Variants in BTBD8 observed in about 807,000 individuals in gnomAD.
BTBD8 encodes the protein BTB/POZ domain-containing protein 8.
A neutral mutation model predicts 162.9 loss-of-function variants in BTBD8; 110 were observed. The observed-to-expected ratio is 0.68, with a 90% confidence interval of 0.58 to 0.79. BTBD8 has a LOEUF of 0.79. Ranked by LOEUF, BTBD8 falls within the 30% of genes least tolerant of loss-of-function variation. BTBD8 has a pLI of 0.00. For missense variants in BTBD8, 1,905 were observed against 2,085.4 expected, an observed-to-expected ratio of 0.91 and a Z score of 1.68; for synonymous variants, 667 against 716.1, an observed-to-expected ratio of 0.93 and a Z score of 1.10.
Position 92,080,660 on chromosome 1 carries a change from C to T in BTBD8, c.89C>T (p.Pro30Leu). Residue 30 changes from proline (P) to leucine (L), a missense_variant, in exon 1 of 18, where the codon CCG (proline) becomes CTG (leucine). By Grantham distance (98) the Pro-to-Leu change is moderately conservative. This residue lies in a region of BTBD8 where 1,374 missense variants were observed against 1,442.7 expected (regional missense o/e 0.95). Coordinates refer to ENST00000636805, the MANE Select transcript of BTBD8 (RefSeq NM_001376131.1). ...VCSKGLQRKGPCERRRLKATV... is the reference protein window; with the variant it reads ...VCSKGLQRKGLCERRRLKATV... ...AGTAAGGGGTTGCAAAGGAAGGGGCCGTGTGAGCGGCGCCGGCTGAAGGCG... is the reference window on the plus strand; with the variant it reads ...AGTAAGGGGTTGCAAAGGAAGGGGCTGTGTGAGCGGCGCCGGCTGAAGGCG... 1 of 1,613,438 alleles carries T rather than the reference C, an allele frequency of 6.2e-7. No homozygotes were observed. Among genetic ancestry groups the T allele is most frequent in the Non-Finnish European group, 8.5e-7 (1 of 1,179,754 alleles).
chr1:92,126,554 T>C (rs1649365997), intron 4 of BTBD8: 1 of 474,782 alleles, frequency 2.1e-6, no homozygotes, highest in Admixed American at 2.4e-5. Flanking sequence ...CAGTGCCAAA[T>C]GGACACTGGC....
Position 92,177,198 on chromosome 1 carries a change from G to A in BTBD8, c.2005G>A (p.Ala669Thr). 6.4e-7 allele frequency: 1 copy of A among 1,551,900 alleles called. No individual in the cohort carries two copies. Among genetic ancestry groups the A allele is most frequent in the Non-Finnish European group, 8.7e-7 (1 of 1,147,028 alleles). Residue 669 changes from alanine to threonine, a missense_variant, in exon 14 of 18, where the codon GCA (alanine) becomes ACA (threonine). By Grantham distance (58) the Ala-to-Thr change is moderately conservative (BLOSUM62 0). Coordinates refer to ENST00000636805, the MANE Select transcript of BTBD8 (RefSeq NM_001376131.1). Reference sequence around the variant, plus strand: ...AAGATCAGCAACAGCAGCAGCAGCAGCAACTGGACAGAAGAATTTACTAAA... The same window carrying A: ...AAGATCAGCAACAGCAGCAGCAGCAACAACTGGACAGAAGAATTTACTAAA... ...VERSATAAAA[A>T]TGQKNLLNGK... is the part of the protein sequence containing the mutation.
chr1:92,123,458 C>T (rs1649269232), intron 4 of BTBD8, among the ~76,000 whole-genome samples: 1 of 152,138 alleles, frequency 6.6e-6, no homozygotes, highest in African/African-American at 2.4e-5. Context: ...TTTCAAGTTT[C>T]AGATCCATGA....
chr1:92,119,696 G>A (rs1049094399), intron 4 of BTBD8, among the ~76,000 whole-genome samples: 3 of 149,162 alleles, frequency 2.0e-5, no homozygotes, highest in Non-Finnish European at 3.0e-5. Context: ...GCGCGATCTC[G>A]GCTCACTGCA....
In BTBD8 at chr1:92,182,578, A is replaced by G. The variant is rs917964822; in HGVS notation, c.4895A>G (p.Asn1632Ser). Residue 1632 changes from asparagine to serine, a missense_variant, in exon 17 of 18, where the codon AAT becomes AGT. Coordinates refer to ENST00000636805, the MANE Select transcript of BTBD8 (RefSeq NM_001376131.1). Reference sequence around the variant, plus strand: ...CATTCTACAACTACTGAAAAAGCTAATATTGCTTTATCTGCAGGTAATGTA... The same window carrying G: ...CATTCTACAACTACTGAAAAAGCTAGTATTGCTTTATCTGCAGGTAATGTA... ...ESHSTTTEKA[N>S]IALSAGDIDD... is the part of the protein sequence containing the mutation. 2 of 1,493,750 alleles carry G rather than the reference A, an allele frequency of 1.3e-6. No homozygotes were observed. 92.5% of individuals were successfully genotyped at this position (1,493,750 alleles called of 1,614,324 possible).
At chr1:92,129,382 G>A (rs1246705069) in intron 4 of BTBD8, among the ~76,000 whole-genome samples, 1 of 151,990 alleles carries the variant, frequency 6.6e-6, no homozygotes, top group Non-Finnish European at 1.5e-5. Flanking sequence ...TTCTTGGGAG[G>A]CTGAGGTGGG....
chr1:92,152,039 A>C (rs1226896499), intron 9 of BTBD8, among the ~76,000 whole-genome samples: 2 of 152,168 alleles, frequency 1.3e-5, no homozygotes, highest in Non-Finnish European at 2.9e-5. Context: ...TCTCTACTTC[A>C]CATATGAGAA....
chr1:92,178,264 A>G (rs755695399), intron 15 of BTBD8, 48 bp from the exon 16 acceptor site: 4 of 1,435,412 alleles, frequency 2.8e-6, no homozygotes, highest in East Asian at 2.5e-5. Flanking sequence ...TAAAAAGTTC[A>G]TGTTTTGGAA....
At chr1:92,096,734 T>C (rs912053359) in intron 2 of BTBD8, among the ~76,000 whole-genome samples, 2 of 152,016 alleles carry the variant, frequency 1.3e-5, no homozygotes, top group African/African-American at 4.8e-5. Flanking sequence ...GATGGGGTCT[T>C]GCTGTGTTGC....
At position 92,180,523 on chromosome 1, in the gene BTBD8, T is replaced by C; in HGVS notation, c.2840T>C (p.Ile947Thr). The C allele has an allele frequency of 6.4e-7, 1 of 1,551,636 alleles. No homozygotes were observed. Among genetic ancestry groups the C allele is most frequent in the Non-Finnish European group, 8.7e-7 (1 of 1,146,938 alleles). Reference sequence around the variant, plus strand: ...CAGAAAATGCCTCCTGGACAGGTTATATCAAAAACTCAGCCTTCCTCCCAA... The same window carrying C: ...CAGAAAATGCCTCCTGGACAGGTTACATCAAAAACTCAGCCTTCCTCCCAA... ...SKQKMPPGQV[I>T]SKTQPSSQRP... The change falls in exon 17 of 18, where the codon ATA (isoleucine) becomes ACA (threonine). Residue 947 changes from isoleucine to threonine, a missense_variant. This residue lies in a region of BTBD8 where 1,374 missense variants were observed against 1,442.7 expected (regional missense o/e 0.95). Coordinates refer to ENST00000636805, the MANE Select transcript of BTBD8 (RefSeq NM_001376131.1).
chr1:92,154,906 A>G (rs1418418695), intron 9 of BTBD8, among the ~76,000 whole-genome samples: 1 of 152,214 alleles, frequency 6.6e-6, no homozygotes, highest in African/African-American at 2.4e-5. Context: ...TCTTAGGTAG[A>G]AGTCTTAAAT....
chr1:92,091,812 G>T (rs1230491320), intron 2 of BTBD8, among the ~76,000 whole-genome samples: 4 of 152,074 alleles, frequency 2.6e-5, no homozygotes, highest in African/African-American at 9.7e-5. Flanking sequence ...GATCCATTTT[G>T]AGTTAATTGC....
chr1:92,137,162 G>T (rs1335064392), intron 5 of BTBD8, among the ~76,000 whole-genome samples: 1 of 152,070 alleles, frequency 6.6e-6, no homozygotes, highest in African/African-American at 2.4e-5. Flanking sequence ...AGAACTGGAG[G>T]TCAGATGATA....
intron 5 of BTBD8, among the ~76,000 whole-genome samples, chr1:92,134,688 A>G (rs1175822757): frequency 6.6e-6 from 1 of 152,028 alleles, no homozygotes; most frequent in East Asian, 1.9e-4. Context: ...ATGTCCTTCC[A>G]CTAGAATGTT....
At chr1:92,087,114 A>T (rs1393208859) in intron 1 of BTBD8, among the ~76,000 whole-genome samples, 1 of 152,226 alleles carries the variant, frequency 6.6e-6, no homozygotes. Flanking sequence ...AACATAACAA[A>T]ATATACTTGA....
intron 7 of BTBD8, among the ~76,000 whole-genome samples, chr1:92,146,267 T>G (rs1649916577): frequency 6.6e-6 from 1 of 152,142 alleles, no homozygotes; most frequent in Non-Finnish European, 1.5e-5. Flanking sequence ...TGACACTTGG[T>G]TTTAAAAGAA....
chr1:92,165,670 C>T (rs1650368527), intron 9 of BTBD8, among the ~76,000 whole-genome samples: 1 of 152,180 alleles, frequency 6.6e-6, no homozygotes, highest in Non-Finnish European at 1.5e-5. Flanking sequence ...CTGGGTGATT[C>T]TTCTGCTGGT....
Position 92,080,530 on chromosome 1 carries a change from G to A in BTBD8, c.-42G>A, listed in dbSNP as rs1010104280. 1.2e-6 allele frequency: 2 copies of A among 1,604,776 alleles called. No individual in the cohort carries two copies. The highest frequency in any genetic ancestry group is 1.3e-5 in the African/African-American group (1 of 74,216). Reference sequence around the variant, plus strand: ...TCTTCCTCCTGGGCGGGGCAAGTGAGGCCAAGTACTGGGCCTCCAGGGCGT... The same window carrying A: ...TCTTCCTCCTGGGCGGGGCAAGTGAAGCCAAGTACTGGGCCTCCAGGGCGT... On this transcript the variant is annotated 5_prime_UTR_variant, in exon 1 of 18. Coordinates refer to ENST00000636805, the MANE Select transcript of BTBD8 (RefSeq NM_001376131.1).
At chr1:92,135,541 G>A (rs546606421) in intron 5 of BTBD8, among the ~76,000 whole-genome samples, 13 of 152,202 alleles carry the variant, frequency 8.5e-5, no homozygotes, top group South Asian at 2.1e-4. Context: ...ATTTTAATGG[G>A]AATAGTGCTT....
Sources: allele counts gnomAD v4.1 joint callset (sites outside exome capture counted in the v4.1 genomes callset), GRCh38; gene constraint gnomAD v4.1.1; regional missense constraint gnomAD v4.1.1; transcripts MANE v1.5; gene names NCBI Gene and HGNC (gene_info 2026-07-23, HGNC 2026-07-21).